FAM181B: variants seen among roughly 807,000 people sequenced by gnomAD.
The protein encoded by FAM181B is protein FAM181B.
In FAM181B, 13 loss-of-function variants were observed where a neutral mutation model predicts 17.8. That is an observed-to-expected ratio of 0.73 (90% CI 0.48 to 1.16). FAM181B has a LOEUF of 1.16. Among genes scored for constraint, FAM181B ranks in the 50% most tolerant of loss-of-function variants. The probability of loss-of-function intolerance (pLI) is 0.00; values close to 1 mark genes in which losing one functional copy is unlikely to be tolerated. For missense variants in FAM181B, 725 were observed against 634.1 expected (o/e 1.14, Z -1.54); for synonymous variants, 338 against 316.5 (o/e 1.07, Z -0.72).
In FAM181B at chr11:82,733,840, A is replaced by G. The variant is rs1370257680; in HGVS notation, c.-111T>C. On this transcript the variant is annotated 5_prime_UTR_variant, in exon 1 of 1. Transcript: ENST00000329203. ...CGCGGCGCGCGCGGCGCAGCCTACT[A>G]GTTCCGGGCCTGGCTCGCTGCGCTG... The G allele has an allele frequency of 2.2e-6, 2 of 910,146 alleles. No individual in the cohort carries two copies. The highest frequency in any genetic ancestry group is 2.8e-6 in the Non-Finnish European group (2 of 715,438). 56.4% of individuals were successfully genotyped at this position (910,146 alleles called of 1,614,324 possible).
In FAM181B at chr11:82,732,091, T is replaced by C; in HGVS notation, c.*358A>G. On this transcript the variant is annotated 3_prime_UTR_variant, in exon 1 of 1. Transcript: ENST00000329203. ...CACTGTTTAGAAGGGGTAATTACAC[T>C]AAATACACTGACCTTCGCTGAAAAA... 3.5e-6 allele frequency: 1 copy of C among 286,680 alleles called. No individual in the cohort carries two copies. The highest frequency in any genetic ancestry group is 6.5e-6 in the Non-Finnish European group (1 of 154,016). 17.8% of individuals were successfully genotyped at this position (286,680 alleles called of 1,614,324 possible).
chr11:82,732,427 T>G lies in FAM181B; in HGVS notation c.*22A>C. On this transcript the variant is annotated 3_prime_UTR_variant, in exon 1 of 1. Coordinates refer to ENST00000329203, the MANE Select transcript of FAM181B (RefSeq NM_175885.4). ...CGGCGCTCTCCACAGCCGTCTCTAA[T>G]GAAGGGAAGCGTGCCTCGAAGTCAG... is the stretch of plus-strand genomic sequence containing the variant. 2 of 1,610,506 alleles carry G rather than the reference T, an allele frequency of 1.2e-6. No individual in the cohort carries two copies. The highest frequency in any genetic ancestry group is 1.1e-5 in the South Asian group (1 of 90,790).
rs1036237113 is a variant in FAM181B at position 82,730,277 on chromosome 11, G to A, written c.*2172C>T. The stretch of plus-strand genomic sequence containing the variant: ...AGCACCTACATCATGGCAATATTAA[G>A]AGGCTCAGTGAGTTAGCTTAAATGC... On this transcript the variant is annotated 3_prime_UTR_variant, in exon 1 of 1. Coordinates refer to ENST00000329203, the MANE Select transcript of FAM181B (RefSeq NM_175885.4). 9 of 152,196 alleles carry A rather than the reference G, an allele frequency of 5.9e-5. No individual in the cohort carries two copies. Among genetic ancestry groups the A allele is most frequent in the African/African-American group, 2.2e-4 (9 of 41,450 alleles). The allele number at this position is 152,196 out of a possible 1,614,324, so 9.4% of individuals were successfully genotyped here.
chr11:82,733,122 C>G lies in FAM181B; in HGVS notation c.608G>C (p.Gly203Ala). The change falls in exon 1 of 1, where the codon GGG becomes GCG. Residue 203 changes from glycine (G) to alanine (A), a missense_variant. Coordinates refer to ENST00000329203, the MANE Select transcript of FAM181B (RefSeq NM_175885.4). ...GGCCCCCGCGGGGCCTGCCACGTCC[C>G]CTCCCGCGCCCCCAGTGCCCGCACC... ...LGGAGTGGAG[G>A]DVAGPAGATA... is the part of the protein sequence containing the mutation. The G allele has an allele frequency of 6.8e-7, 1 of 1,461,592 alleles. No homozygotes were observed. Among genetic ancestry groups the G allele is most frequent in the Non-Finnish European group, 9.0e-7 (1 of 1,116,148 alleles). The allele number at this position is 1,461,592 out of a possible 1,614,324, so 90.5% of individuals were successfully genotyped here.
rs1167146445 is a variant in FAM181B at position 82,732,763 on chromosome 11, G to A, written c.967C>T (p.Pro323Ser). ...GGGGAGCAGCCCGGGACGCTCCAGG[G>A]CTCGGGGTACAGTAGGTTTCCCACC... ...AVVGNLLYPE[P>S]WSVPGCSPTK... Residue 323 changes from proline (P) to serine (S), a missense_variant, in exon 1 of 1, where the codon CCC becomes TCC. Physicochemically the swap from Pro to Ser is moderately conservative, Grantham distance 74 (BLOSUM62 -1). Coordinates refer to ENST00000329203, the MANE Select transcript of FAM181B (RefSeq NM_175885.4). 6.8e-7 allele frequency: 1 copy of A among 1,472,510 alleles called. No homozygotes were observed. Among genetic ancestry groups the A allele is most frequent in the Non-Finnish European group, 9.0e-7 (1 of 1,111,198 alleles). The allele number at this position is 1,472,510 out of a possible 1,614,324, so 91.2% of individuals were successfully genotyped here. A position where few individuals can be genotyped will look rare whatever the true frequency, so the allele number is the denominator to read the frequency against.
chr11:82,733,671 C>A lies in FAM181B; in HGVS notation c.59G>T (p.Gly20Val). 6.5e-7 allele frequency: 1 copy of A among 1,548,644 alleles called. No individual in the cohort carries two copies. The highest frequency in any genetic ancestry group is 1.9e-5 in the Admixed American group (1 of 52,228). ...GGCGCCCCCTAGCCCGTCCGGGGAG[C>A]CCCCGAAGCCGAAGGGCACGAAAGG... The part of the protein sequence containing the change: ...THPFVPFGFG[G>V]SPDGLGGAFG... The change falls in exon 1 of 1, where the codon GGC (glycine) becomes GTC (valine). Residue 20 changes from glycine to valine, a missense_variant. Coordinates refer to ENST00000329203, the MANE Select transcript of FAM181B (RefSeq NM_175885.4).
Position 82,733,584 on chromosome 11 carries a change from G to A in FAM181B, c.146C>T (p.Ala49Val). The A allele has an allele frequency of 6.2e-7, 1 of 1,602,396 alleles. No homozygotes were observed. The highest frequency in any genetic ancestry group is 8.5e-7 in the Non-Finnish European group (1 of 1,178,488). The change falls in exon 1 of 1, where the codon GCG (alanine) becomes GTG (valine). Residue 49 changes from alanine to valine, a missense_variant. Transcript: ENST00000329203. ...CCCTCCTTCGGCTCCCGACAGCAGC[G>A]CACCCGCCGGAGCCCCGGTCTCATC... is the stretch of plus-strand genomic sequence containing the variant. ...EDDETGAPAG[A>V]LLSGAEGGDV... is the part of the protein sequence containing the mutation.
In FAM181B at chr11:82,731,243, T is replaced by A. The variant is rs1857125595; in HGVS notation, c.*1206A>T. ...CCTTTGGAAACTTCACACCTTTCTT[T>A]ATGCCCTTCCGTGGGGAGAGTGTGG... is the stretch of plus-strand genomic sequence containing the variant. On this transcript the variant is annotated 3_prime_UTR_variant, in exon 1 of 1. Transcript: ENST00000329203. The A allele has an allele frequency of 6.6e-6, 1 of 152,292 alleles. No individual in the cohort carries two copies. Among genetic ancestry groups the A allele is most frequent in the Non-Finnish European group, 1.5e-5 (1 of 68,094 alleles). The allele number at this position is 152,292 out of a possible 1,614,324, so 9.4% of individuals were successfully genotyped here.
chr11:82,732,873 G>A lies in FAM181B; in HGVS notation c.857C>T (p.Pro286Leu). 1 of 1,536,892 alleles carries A rather than the reference G, an allele frequency of 6.5e-7. No individual in the cohort carries two copies. Among genetic ancestry groups the A allele is most frequent in the Non-Finnish European group, 8.7e-7 (1 of 1,143,158 alleles). The change falls in exon 1 of 1, where the codon CCT becomes CTT. Residue 286 changes from proline (P) to leucine (L), a missense_variant. Coordinates refer to ENST00000329203, the MANE Select transcript of FAM181B (RefSeq NM_175885.4). ...TEAAVLLAAEPLDVFPAGASV... is the reference protein window; with the variant it reads ...TEAAVLLAAELLDVFPAGASV... Reference sequence around the variant, plus strand: ...GGCTCCGGCGGGGAACACGTCGAGAGGCTCGGCGGCAAGCAAGACTGCCGC... The same window carrying A: ...GGCTCCGGCGGGGAACACGTCGAGAAGCTCGGCGGCAAGCAAGACTGCCGC...
Position 82,732,895 on chromosome 11 carries a change from C to T in FAM181B, c.835G>A (p.Ala279Thr). 2 of 1,545,228 alleles carry T rather than the reference C, an allele frequency of 1.3e-6. No individual in the cohort carries two copies. Among genetic ancestry groups the T allele is most frequent in the Middle Eastern group, 1.7e-4 (1 of 5,944 alleles). The change falls in exon 1 of 1, where the codon GCA becomes ACA. Residue 279 changes from alanine (A) to threonine (T), a missense_variant. By Grantham distance (58) the Ala-to-Thr change is moderately conservative. Transcript: ENST00000329203. ...GPDYGAGTEAAVLLAAEPLDV... is the reference protein window; with the variant it reads ...GPDYGAGTEATVLLAAEPLDV... ...AGAGGCTCGGCGGCAAGCAAGACTGCCGCCTCCGTGCCGGCGCCGTAGTCG... is the reference window on the plus strand; with the variant it reads ...AGAGGCTCGGCGGCAAGCAAGACTGTCGCCTCCGTGCCGGCGCCGTAGTCG...
In FAM181B at chr11:82,732,332, A is replaced by T. The variant is rs572653243; in HGVS notation, c.*117T>A. On this transcript the variant is annotated 3_prime_UTR_variant, in exon 1 of 1. Transcript: ENST00000329203. The stretch of plus-strand genomic sequence containing the variant: ...AGTTGCTTTTATTAATTGAATTTTT[A>T]AAAATCTGGTTTCATCTCCACGTGC... The T allele has an allele frequency of 4.0e-6, 4 of 1,005,202 alleles. 1 individual carries two copies. In the South Asian group the frequency reaches 5.2e-5, roughly 13 times the overall value. 62.3% of individuals were successfully genotyped at this position (1,005,202 alleles called of 1,614,324 possible). A position where few individuals can be genotyped will look rare whatever the true frequency, so the allele number is the denominator to read the frequency against.
In FAM181B at chr11:82,733,193, G is replaced by C. The variant is rs1185343076; in HGVS notation, c.537C>G (p.Ala179=). 20 of 1,349,942 alleles carry C rather than the reference G, an allele frequency of 1.5e-5. No individual in the cohort carries two copies. The highest frequency in any genetic ancestry group is 3.1e-5 in the African/African-American group (2 of 65,150). 83.6% of individuals were successfully genotyped at this position (1,349,942 alleles called of 1,614,324 possible). The change falls in exon 1 of 1, where the codon GCC becomes GCG. Residue 179 remains alanine (A), a synonymous_variant. Coordinates refer to ENST00000329203, the MANE Select transcript of FAM181B (RefSeq NM_175885.4). ...CAGCCACCTCACCCCCCGCCGGCTC[G>C]GCACCCCCGGGGACGTGGCGCAGCG... ...FDSLRHVPGG[A]EPAGGEVAAP...
chr11:82,733,778 G>A lies in FAM181B; in HGVS notation c.-49C>T, dbSNP rs1857175810. 1 of 1,259,018 alleles carries A rather than the reference G, an allele frequency of 7.9e-7. No individual in the cohort carries two copies. The highest frequency in any genetic ancestry group is 1.6e-5 in the African/African-American group (1 of 63,976). The allele number at this position is 1,259,018 out of a possible 1,614,324, so 78.0% of individuals were successfully genotyped here. The stretch of plus-strand genomic sequence containing the variant: ...CAGCGCTGCCCGTGCGCCCCCGCCA[G>A]CTCCTGCCCGCCGCCCAGACCCAGC... On this transcript the variant is annotated 5_prime_UTR_variant, in exon 1 of 1. Coordinates refer to ENST00000329203, the MANE Select transcript of FAM181B (RefSeq NM_175885.4).
rs1264923824 is a variant in FAM181B at position 82,733,078 on chromosome 11, T to C, written c.652A>G (p.Arg218Gly). 7.3e-6 allele frequency: 11 copies of C among 1,512,662 alleles called. No individual in the cohort carries two copies. Among genetic ancestry groups the C allele is most frequent in the Admixed American group, 2.1e-5 (1 of 48,760 alleles). The allele number at this position is 1,512,662 out of a possible 1,614,324, so 93.7% of individuals were successfully genotyped here. Residue 218 changes from arginine to glycine, a missense_variant, in exon 1 of 1, where the codon AGG becomes GGG. Transcript: ENST00000329203. ...PAGATAIPGA[R>G]KVPLRARNLP... ...TTGCGTGCCCGCAGCGGGACCTTCCTGGCCCCTGGGATCGCCGTGGCCCCC... is the reference window on the plus strand; with the variant it reads ...TTGCGTGCCCGCAGCGGGACCTTCCCGGCCCCTGGGATCGCCGTGGCCCCC...
Position 82,732,273 on chromosome 11 carries a change from C to T in FAM181B, c.*176G>A. The stretch of plus-strand genomic sequence containing the variant: ...TTTAACACTTGAGGTTGTGATTAAA[C>T]AATCCCCAACTCGTCTTCATCTCTT... On this transcript the variant is annotated 3_prime_UTR_variant, in exon 1 of 1. Coordinates refer to ENST00000329203, the MANE Select transcript of FAM181B (RefSeq NM_175885.4). 2 of 652,842 alleles carry T rather than the reference C, an allele frequency of 3.1e-6. No homozygotes were observed. Among genetic ancestry groups the T allele is most frequent in the South Asian group, 2.0e-5 (1 of 49,546 alleles). 40.4% of individuals were successfully genotyped at this position (652,842 alleles called of 1,614,324 possible).
rs558558485 is a variant in FAM181B at position 82,733,131 on chromosome 11, C to A, written c.599G>T (p.Gly200Val). ...AAGLGGAGTG[G>V]AGGDVAGPAG... ...GGGGCCTGCCACGTCCCCTCCCGCGCCCCCAGTGCCCGCACCTCCTAGCCC... is the reference window on the plus strand; with the variant it reads ...GGGGCCTGCCACGTCCCCTCCCGCGACCCCAGTGCCCGCACCTCCTAGCCC... Residue 200 changes from glycine (G) to valine (V), a missense_variant, in exon 1 of 1, where the codon GGC (glycine) becomes GTC (valine). Coordinates refer to ENST00000329203, the MANE Select transcript of FAM181B (RefSeq NM_175885.4). 1.4e-6 allele frequency: 2 copies of A among 1,453,752 alleles called. No individual in the cohort carries two copies. Among genetic ancestry groups the A allele is most frequent in the East Asian group, 5.9e-5 (2 of 33,718 alleles). The allele number at this position is 1,453,752 out of a possible 1,614,324, so 90.1% of individuals were successfully genotyped here. A position where few individuals can be genotyped will look rare whatever the true frequency, so the allele number is the denominator to read the frequency against.
Position 82,733,733 on chromosome 11 carries a change from C to T in FAM181B, c.-4G>A, listed in dbSNP as rs1857173914. On this transcript the variant is annotated 5_prime_UTR_variant, in exon 1 of 1. Transcript: ENST00000329203. ...GGAGCGCCGCCTGCACCGCCATCGC[C>T]GCGGCTCCCGGGCTGTCCGCAGCGC... 3 of 1,409,256 alleles carry T rather than the reference C, an allele frequency of 2.1e-6. No homozygotes were observed. The highest frequency in any genetic ancestry group is 2.8e-6 in the Non-Finnish European group (3 of 1,082,594). 87.3% of individuals were successfully genotyped at this position (1,409,256 alleles called of 1,614,324 possible).
chr11:82,733,198 C>A lies in FAM181B; in HGVS notation c.532G>T (p.Gly178Cys), dbSNP rs1857161838. The change falls in exon 1 of 1, where the codon GGT (glycine) becomes TGT (cysteine). Residue 178 changes from glycine to cysteine, a missense_variant. By Grantham distance (159) the Gly-to-Cys change is radical. Coordinates refer to ENST00000329203, the MANE Select transcript of FAM181B (RefSeq NM_175885.4). The part of the protein sequence containing the change: ...LFDSLRHVPG[G>C]AEPAGGEVAA... ...ACCTCACCCCCCGCCGGCTCGGCAC[C>A]CCCGGGGACGTGGCGCAGCGAGTCG... 1 of 1,328,922 alleles carries A rather than the reference C, an allele frequency of 7.5e-7. No individual in the cohort carries two copies. Among genetic ancestry groups the A allele is most frequent in the Non-Finnish European group, 9.5e-7 (1 of 1,047,788 alleles). 82.3% of individuals were successfully genotyped at this position (1,328,922 alleles called of 1,614,324 possible).
rs1314182328 is a variant in FAM181B at position 82,732,800 on chromosome 11, C to G, written c.930G>C (p.Pro310=). Residue 310 remains proline (P), a synonymous_variant, in exon 1 of 1, where the codon CCG becomes CCC. Coordinates refer to ENST00000329203, the MANE Select transcript of FAM181B (RefSeq NM_175885.4). The part of the protein sequence containing the change: ...PPELEPGLFE[P]PPAVVGNLLY... ...GTAGGTTTCCCACCACTGCCGGCGG[C>G]GGCTCAAAGAGGCCGGGCTCCAGCT... The G allele has an allele frequency of 1.3e-6, 2 of 1,501,642 alleles. No homozygotes were observed. 93.0% of individuals were successfully genotyped at this position (1,501,642 alleles called of 1,614,324 possible).
Sources: gnomAD v4.1 joint callset for allele counts on GRCh38, gnomAD v4.1.1 for gene constraint, MANE v1.5 for transcripts, NCBI Gene and HGNC (gene_info 2026-07-23, HGNC 2026-07-21) for gene names.